The following AP3B1 variants were observed in gnomAD, a reference collection of about 807,000 sequenced individuals.
The protein encoded by AP3B1 is adaptor related protein complex 3 subunit beta 1, also known as AP-3 complex subunit beta-1.
In AP3B1, 61 loss-of-function variants were observed where a neutral mutation model predicts 132.5. The ratio of observed to expected loss-of-function variants is 0.46; its 90% confidence interval spans 0.37 to 0.57. The LOEUF (loss-of-function observed/expected upper bound fraction) is 0.57. AP3B1 is among the 20% of genes least tolerant of loss of function. AP3B1 has a pLI of 0.00. For missense variants in AP3B1, 1,120 were observed against 1,289.4 expected, an observed-to-expected ratio of 0.87 and a Z score of 2.01; for synonymous variants, 388 against 438.3, an observed-to-expected ratio of 0.89 and a Z score of 1.43.
intron 2 of AP3B1, among the ~76,000 whole-genome samples, chr5:78,241,522 T>C (rs1561496696): frequency 6.6e-6 from 1 of 152,244 alleles, no homozygotes; most frequent in Non-Finnish European, 1.5e-5. Context: ...GGATGAATGT[T>C]ACTTTGAACC....
intron 11 of AP3B1, among the ~76,000 whole-genome samples, chr5:78,171,214 T>C (rs375507208): frequency 5.4e-4 from 82 of 152,294 alleles, no homozygotes; most frequent in African/African-American, 1.9e-3. Flanking sequence ...CTTGGCAATG[T>C]GAGCTTTTTT....
intron 7 of AP3B1, among the ~76,000 whole-genome samples, chr5:78,191,745 T>A (rs1412255413): frequency 6.6e-6 from 1 of 152,176 alleles, no homozygotes; most frequent in African/African-American, 2.4e-5. Flanking sequence ...TGTTTCCTTC[T>A]GTAAGGAAAA....
At chr5:78,191,588 A>G (rs2112433833) in intron 7 of AP3B1, among the ~76,000 whole-genome samples, 1 of 152,258 alleles carries the variant, frequency 6.6e-6, no homozygotes, top group Middle Eastern at 3.4e-3. Flanking sequence ...AATCATCTCA[A>G]TCCATAATTG....
intron 17 of AP3B1, among the ~76,000 whole-genome samples, chr5:78,121,214 A>G (rs988741798): frequency 6.6e-6 from 1 of 152,196 alleles, no homozygotes; most frequent in African/African-American, 2.4e-5. Flanking sequence ...GGAAATTTAT[A>G]GCACTGAATG....
intron 25 of AP3B1, among the ~76,000 whole-genome samples, chr5:78,019,788 G>A (rs190838085): frequency 8.6e-4 from 131 of 152,180 alleles, no homozygotes; most frequent in African/African-American, 3.1e-3. Context: ...GTGCCAGGAA[G>A]CGTGCCCCTC....
Position 78,162,930 on chromosome 5 carries a change from T to G in AP3B1, c.1252A>C (p.Lys418Gln). ...TGAATAGTGGCTGCTGCAAATTGTTTATCCTGGCTTTTCACATAGGTCTAA... is the reference window on the plus strand; with the variant it reads ...TGAATAGTGGCTGCTGCAAATTGTTGATCCTGGCTTTTCACATAGGTCTAA... ...EFQTYVKSQD[K>Q]QFAAATIQTI... The change falls in exon 13 of 27, where the codon AAA becomes CAA. Residue 418 changes from lysine to glutamine, a missense_variant. Coordinates refer to ENST00000255194, the MANE Select transcript of AP3B1 (RefSeq NM_003664.5). 1 of 1,613,990 alleles carries G rather than the reference T, an allele frequency of 6.2e-7. No individual in the cohort carries two copies.
At chr5:78,072,532 T>G (rs1749582776) in intron 22 of AP3B1, among the ~76,000 whole-genome samples, 1 of 151,796 alleles carries the variant, frequency 6.6e-6, no homozygotes, top group African/African-American at 2.4e-5. Context: ...TTGGGGGGAG[T>G]ATTATTTGTA....
intron 1 of AP3B1, among the ~76,000 whole-genome samples, chr5:78,274,150 G>A (rs1748675311): frequency 6.6e-6 from 1 of 151,174 alleles, no homozygotes; most frequent in Non-Finnish European, 1.5e-5. Context: ...AGAAGAGATG[G>A]ACAAAACAGA....
At chr5:78,204,391 C>T (rs1745419408) in intron 7 of AP3B1, among the ~76,000 whole-genome samples, 1 of 152,204 alleles carries the variant, frequency 6.6e-6, no homozygotes, top group Non-Finnish European at 1.5e-5. Flanking sequence ...TTTGCCTTAG[C>T]CATCACTTCC....
chr5:78,172,134 G>A (rs1046783935), intron 11 of AP3B1, among the ~76,000 whole-genome samples: 6 of 152,106 alleles, frequency 3.9e-5, no homozygotes, highest in Admixed American at 2.0e-4. Context: ...TGCTGAATTC[G>A]GTTTGCCATT....
intron 15 of AP3B1, among the ~76,000 whole-genome samples, chr5:78,140,493 C>G (rs908974253): frequency 2.6e-5 from 4 of 152,186 alleles, no homozygotes; most frequent in Admixed American, 6.5e-5. Flanking sequence ...CACCCATTTT[C>G]TAATTTACAG....
intron 25 of AP3B1, among the ~76,000 whole-genome samples, chr5:78,019,963 C>A (rs1305629187): frequency 1.3e-5 from 2 of 151,944 alleles, no homozygotes; most frequent in African/African-American, 4.8e-5. Flanking sequence ...TTTAAATATG[C>A]CTTAATTTTA....
chr5:78,098,234 C>G lies in AP3B1; in HGVS notation c.2470+2719G>C, dbSNP rs922308509. 5.3e-5 allele frequency among the ~76,000 whole-genome samples: 8 copies of G among 151,134 alleles called. No individual in the cohort carries two copies. The East Asian group carries it at 5.8e-4, about 11-fold the overall frequency. ...CTTCCCTCCACTATTGTCCTATGAC[C>G]CTGCCAAATCCCCCTCTGTGAGAAA... On this transcript the variant is annotated intron_variant, in intron 21 of 26. Transcript: ENST00000255194.
intron 2 of AP3B1, among the ~76,000 whole-genome samples, chr5:78,244,711 T>G (rs1269067034): frequency 6.6e-6 from 1 of 151,838 alleles, no homozygotes; most frequent in Non-Finnish European, 1.5e-5. Context: ...AAAGTAGAAA[T>G]TGTGGCCAGG....
chr5:78,077,384 G>T (rs1749808680), intron 22 of AP3B1, among the ~76,000 whole-genome samples: 1 of 152,114 alleles, frequency 6.6e-6, no homozygotes, highest in South Asian at 2.1e-4. Context: ...GCCAACTGGG[G>T]TCTGTGGTAG....
At chr5:78,104,624 T>G (rs1284616381) in intron 20 of AP3B1, among the ~76,000 whole-genome samples, 1 of 152,176 alleles carries the variant, frequency 6.6e-6, no homozygotes. Flanking sequence ...AAATAGAACA[T>G]AAAACCAATC....
chr5:78,214,110 T>C (rs1580496088), intron 7 of AP3B1, among the ~76,000 whole-genome samples: 1 of 152,136 alleles, frequency 6.6e-6, no homozygotes, highest in East Asian at 1.9e-4. Flanking sequence ...TTCGAATAAT[T>C]CCAAGGTTGG....
intron 22 of AP3B1, among the ~76,000 whole-genome samples, chr5:78,045,265 C>A (rs1025164423): frequency 6.6e-6 from 1 of 151,362 alleles, no homozygotes; most frequent in East Asian, 1.9e-4. Context: ...CCTGTAATTC[C>A]AGATACTTGG....
At chr5:78,291,971 A>C (rs902840983) in intron 1 of AP3B1, among the ~76,000 whole-genome samples, 1 of 152,208 alleles carries the variant, frequency 6.6e-6, no homozygotes, top group Non-Finnish European at 1.5e-5. Context: ...ACATAATAAC[A>C]TGAATACGTA....
Sources: gnomAD v4.1 joint callset for allele counts (sites outside exome capture counted in the v4.1 genomes callset) on GRCh38, gnomAD v4.1.1 for gene constraint, MANE v1.5 for transcripts, NCBI Gene and HGNC (gene_info 2026-07-23, HGNC 2026-07-21) for gene names.